SPRED1: variants seen among roughly 807,000 people sequenced by gnomAD.
The protein encoded by SPRED1 is sprouty related EVH1 domain containing 1.
A neutral mutation model predicts 52.3 loss-of-function variants in SPRED1; 18 were observed. The ratio of observed to expected loss-of-function variants is 0.34; its 90% CI spans 0.24 to 0.51. SPRED1 has a LOEUF of 0.51. SPRED1 is among the 20% of genes least tolerant of loss of function. The pLI is 0.97. For synonymous variants in SPRED1, 155 were observed against 179.7 expected (o/e 0.86, Z 1.10); for missense variants, 485 against 551.0 (o/e 0.88, Z 1.20).
At chr15:38,336,888 A>T (rs1895935523) in intron 4 of SPRED1, among the ~76,000 whole-genome samples, 1 of 152,104 alleles carries the variant, frequency 6.6e-6, no homozygotes, top group Admixed American at 6.6e-5. Context: ...CCACTAAAGA[A>T]CTTACTCATG....
intron 1 of SPRED1, among the ~76,000 whole-genome samples, chr15:38,286,968 A>G (rs1894824639): frequency 6.6e-6 from 1 of 152,122 alleles, no homozygotes; most frequent in Non-Finnish European, 1.5e-5. Context: ...CTTGTATTAT[A>G]TCTACAATCC....
intron 1 of SPRED1, among the ~76,000 whole-genome samples, chr15:38,295,541 G>A (rs1313817072): frequency 6.6e-6 from 1 of 152,192 alleles, no homozygotes; most frequent in Non-Finnish European, 1.5e-5. Context: ...TGCAACACAG[G>A]ATTGTATTTA....
chr15:38,296,703 G>A (rs572596989), intron 1 of SPRED1, among the ~76,000 whole-genome samples: 6 of 152,096 alleles, frequency 3.9e-5, no homozygotes, highest in Non-Finnish European at 7.4e-5. Flanking sequence ...ATTCATCTTC[G>A]TGTCCATTGT....
intron 1 of SPRED1, among the ~76,000 whole-genome samples, chr15:38,282,474 T>C (rs1343889051): frequency 6.6e-6 from 1 of 151,682 alleles, no homozygotes; most frequent in African/African-American, 2.4e-5. Context: ...GCCACTGCAC[T>C]CTGGCCTGGG....
At chr15:38,338,488 A>G (rs1005718185) in intron 4 of SPRED1, among the ~76,000 whole-genome samples, 1 of 152,082 alleles carries the variant, frequency 6.6e-6, no homozygotes, top group Non-Finnish European at 1.5e-5. Flanking sequence ...CATTTTTCCA[A>G]TGTTTTATCA....
At chr15:38,255,639 C>T (rs1442498085) in intron 1 of SPRED1, among the ~76,000 whole-genome samples, 2 of 152,044 alleles carry the variant, frequency 1.3e-5, no homozygotes, top group African/African-American at 2.4e-5. Context: ...TAATTTATGT[C>T]TCATCTTTAA....
intron 2 of SPRED1, among the ~76,000 whole-genome samples, chr15:38,313,097 C>G (rs1290844173): frequency 6.6e-6 from 1 of 151,916 alleles, no homozygotes; most frequent in Non-Finnish European, 1.5e-5. Context: ...GCTTTTTACC[C>G]TAATTGTTCA....
chr15:38,318,594 C>A (rs1357420666), intron 2 of SPRED1, among the ~76,000 whole-genome samples: 1 of 152,104 alleles, frequency 6.6e-6, no homozygotes, highest in East Asian at 1.9e-4. Flanking sequence ...CCTTCTCTTT[C>A]CCCTGTAGTA....
chr15:38,279,047 C>T (rs1054009135), intron 1 of SPRED1, among the ~76,000 whole-genome samples: 1 of 151,986 alleles, frequency 6.6e-6, no homozygotes, highest in African/African-American at 2.4e-5. Context: ...AGGCTGGTCT[C>T]GAACTCCTGA....
rs1232547012 is a variant in SPRED1, at chr15:38,353,963, C to G, written c.*2299C>G. ...CATTAATATTTTCAATTTGTTTAAC[C>G]ACTTTGCTGCTAAGATTTTGCCGTC... is the stretch of plus-strand genomic sequence containing the variant. On this transcript the variant is annotated 3_prime_UTR_variant, in exon 7 of 7. Transcript: ENST00000299084. The G allele has an allele frequency of 6.6e-6, 1 of 152,508 alleles. No individual in the cohort carries two copies. Among genetic ancestry groups the G allele is most frequent in the Non-Finnish European group, 1.5e-5 (1 of 67,980 alleles). 9.4% of individuals were successfully genotyped at this position (152,508 alleles called of 1,614,324 possible).
chr15:38,277,138 T>C (rs1371241731), intron 1 of SPRED1, among the ~76,000 whole-genome samples: 1 of 152,182 alleles, frequency 6.6e-6, no homozygotes, highest in Non-Finnish European at 1.5e-5. Context: ...TTTTTAAAAC[T>C]TTTAGGTTCA....
intron 3 of SPRED1, 144 bp downstream of exon 3, chr15:38,322,553 T>C: frequency 1.4e-6 from 1 of 721,838 alleles, no homozygotes; most frequent in Non-Finnish European, 2.3e-6. Flanking sequence ...AACCTCACAA[T>C]AGATGAAGAT....
intron 2 of SPRED1, among the ~76,000 whole-genome samples, chr15:38,309,328 A>T (rs540225971): frequency 6.6e-6 from 1 of 152,150 alleles, no homozygotes; most frequent in African/African-American, 2.4e-5. Context: ...TTTACTAGAG[A>T]TGGGGTTTCA....
At chr15:38,269,229 A>G (rs1249207949) in intron 1 of SPRED1, among the ~76,000 whole-genome samples, 1 of 151,940 alleles carries the variant, frequency 6.6e-6, no homozygotes, top group African/African-American at 2.4e-5. Context: ...GGCGTGAGCC[A>G]CCGCACCCAG....
intron 1 of SPRED1, among the ~76,000 whole-genome samples, chr15:38,282,430 C>T (rs777113000): frequency 6.6e-6 from 1 of 151,520 alleles, no homozygotes; most frequent in African/African-American, 2.4e-5. Context: ...TTGCTTGAGC[C>T]GGGGAGGCAG....
chr15:38,338,878 C>CT (rs1408011308), intron 4 of SPRED1, among the ~76,000 whole-genome samples: 1 of 151,888 alleles, frequency 6.6e-6, no homozygotes, highest in Non-Finnish European at 1.5e-5. Context: ...CCAACAAAAT[C>CT]TTTTAAAAAG....
At chr15:38,291,990 T>G (rs1410351013) in intron 1 of SPRED1, among the ~76,000 whole-genome samples, 3 of 152,244 alleles carry the variant, frequency 2.0e-5, no homozygotes, top group South Asian at 2.1e-4. Context: ...ATTGTCAGGC[T>G]GCAAATTTTC....
At chr15:38,262,955 G>C (rs889237208) in intron 1 of SPRED1, among the ~76,000 whole-genome samples, 1 of 152,174 alleles carries the variant, frequency 6.6e-6, no homozygotes, top group Non-Finnish European at 1.5e-5. Context: ...TTTTAAGTGA[G>C]GGAATGATAA....
chr15:38,261,957 C>G (rs1377576365), intron 1 of SPRED1, among the ~76,000 whole-genome samples: 1 of 148,516 alleles, frequency 6.7e-6, no homozygotes. Flanking sequence ...ACTTTTACCA[C>G]TTCAGAGTGT....
Sources: gnomAD v4.1 joint callset for allele counts (sites outside exome capture counted in the v4.1 genomes callset) on GRCh38, gnomAD v4.1.1 for gene constraint, MANE v1.5 for transcripts, NCBI Gene and HGNC (gene_info 2026-07-23, HGNC 2026-07-21) for gene names.